The following PRC1 variants were observed in gnomAD, a reference collection of about 807,000 sequenced individuals.
PRC1 encodes protein regulator of cytokinesis 1, also known as anaphase spindle elongation 1 homolog.
A neutral mutation model predicts 91.2 loss-of-function variants in PRC1; 54 were observed. That is an observed-to-expected ratio of 0.59 (90% CI 0.48 to 0.74). The LOEUF is 0.74. PRC1 is among the 30% of genes least tolerant of loss of function. The pLI is 0.00. For synonymous variants in PRC1, 275 were observed against 263.6 expected, an observed-to-expected ratio of 1.04 and a Z score of -0.42; for missense variants, 727 against 746.2, an observed-to-expected ratio of 0.97 and a Z score of 0.30.
At chr15:90,993,211 C>CTTT (rs10679998) in intron 1 of PRC1, among the ~76,000 whole-genome samples, 8,865 of 122,986 alleles carry the variant, frequency 0.072, 1,070 homozygotes, top group African/African-American at 0.17. Flanking sequence ...TGTTAATGGA[C>CTTT]TTTTTTTTTT....
At chr15:90,972,320 C>T (rs1211550197) in intron 11 of PRC1, among the ~76,000 whole-genome samples, 2 of 150,154 alleles carry the variant, frequency 1.3e-5, no homozygotes, top group East Asian at 4.0e-4. Context: ...GGAGGCTGAG[C>T]TGCAGTGAGC....
At position 90,974,096 on chromosome 15, in the gene PRC1, A is replaced by ACTC; in HGVS notation, c.1461+37_1461+39dup. 6.4e-7 allele frequency: 1 copy of ACTC among 1,569,520 alleles called. No homozygotes were observed. Reference sequence around the variant, plus strand: ...GAGGTGGCTGGGACTACCCTCACCCACTCCCTTGAAATCAGTGTTTCCCTA... The same window carrying ACTC: ...GAGGTGGCTGGGACTACCCTCACCCACTCCTCCCTTGAAATCAGTGTTTCCCTA... On this transcript the variant is annotated intron_variant, in intron 11 of 14. Coordinates refer to ENST00000394249, the MANE Select transcript of PRC1 (RefSeq NM_003981.4). This position sits in a 1 kb window ranked among gnomAD's most constrained non-coding sequence, Gnocchi z 4.6.
rs1192107612 is a variant in PRC1 at position 90,969,548 on chromosome 15, C to G, written c.1648G>C (p.Glu550Gln). The G allele has an allele frequency of 6.2e-7, 1 of 1,613,826 alleles. No individual in the cohort carries two copies. Among genetic ancestry groups the G allele is most frequent in the Admixed American group, 1.7e-5 (1 of 60,002 alleles). Residue 550 changes from glutamate (E) to glutamine (Q), a missense_variant, in exon 13 of 15, where the codon GAG becomes CAG. Physicochemically the swap from Glu to Gln is conservative, Grantham distance 29 (BLOSUM62 2). Transcript: ENST00000394249. ...GRHGANKENL[E>Q]LNGSILSGGY... is the part of the protein sequence containing the mutation. ...CCACTCAGGATGCTGCCGTTGAGCT[C>G]CAGGTTCTCCTTGTTGGCTCCATGC...
At chr15:90,976,152 G>C (rs145942578) in intron 9 of PRC1, among the ~76,000 whole-genome samples, 1 of 152,008 alleles carries the variant, frequency 6.6e-6, no homozygotes, top group African/African-American at 2.4e-5. Flanking sequence ...GCAGTGGCGC[G>C]GTCTTGGCTC....
At position 90,984,274 on chromosome 15, in the gene PRC1, G is replaced by C. The variant is rs1006555305; in HGVS notation, c.145-134C>G. 3.2e-6 allele frequency: 4 copies of C among 1,257,676 alleles called. No homozygotes were observed. Among genetic ancestry groups the C allele is most frequent in the Non-Finnish European group, 4.4e-6 (4 of 913,352 alleles). 77.9% of individuals were successfully genotyped at this position (1,257,676 alleles called of 1,614,324 possible). A position where few individuals can be genotyped will look rare whatever the true frequency, so the allele number is the denominator to read the frequency against. ...GATGGAGTCTCGCTCTGTTGCCCAG[G>C]CTGGAGTGCAATGGCGTGCTTTCGG... On this transcript the variant is annotated intron_variant, in intron 2 of 14. Transcript: ENST00000394249. This position sits in a 1 kb window ranked among gnomAD's most constrained non-coding sequence, Gnocchi z 5.1.
At position 90,984,814 on chromosome 15, in the gene PRC1, G is replaced by A. The variant is rs570196720; in HGVS notation, c.23C>T (p.Ala8Val). Residue 8 changes from alanine (A) to valine (V), a missense_variant, in exon 2 of 15, where the codon GCG becomes GTG. Transcript: ENST00000394249. This position sits in a 1 kb window ranked among gnomAD's most constrained non-coding sequence, Gnocchi z 5.1. The part of the protein sequence containing the change: MRRSEVL[A>V]EESIVCLQKA... ...CTGCAGACATACTATGGACTCCTCC[G>A]CCAGCACCTCACTGAAAACCAAAAA... 1.1e-5 allele frequency: 17 copies of A among 1,613,982 alleles called. No individual in the cohort carries two copies. Among genetic ancestry groups the A allele is most frequent in the Non-Finnish European group, 1.4e-5 (16 of 1,179,970 alleles).
chr15:90,994,130 C>T (rs902543336), intron 1 of PRC1, among the ~76,000 whole-genome samples: 7 of 151,980 alleles, frequency 4.6e-5, no homozygotes, highest in African/African-American at 1.7e-4. Flanking sequence ...TACCCTGCCG[C>T]GTCCGGGCAC....
At chr15:90,982,076 C>T (rs1457736667) in intron 3 of PRC1, 95 bp from the exon 4 acceptor site, 1 of 1,134,638 alleles carries the variant, frequency 8.8e-7, no homozygotes, top group African/African-American at 1.6e-5. Flanking sequence ...GACAGACTTT[C>T]AGTTAAACTA....
At chr15:90,989,214 T>TAC (rs1171627088) in intron 1 of PRC1, among the ~76,000 whole-genome samples, 3 of 152,114 alleles carry the variant, frequency 2.0e-5, no homozygotes, top group African/African-American at 7.2e-5. Context: ...TGCAAGACGG[T>TAC]ACAGCCTCTT....
At chr15:90,981,379 C>G in intron 5 of PRC1, 120 bp downstream of exon 5, 35 of 1,163,416 alleles carry the variant, frequency 3.0e-5, no homozygotes, top group Non-Finnish European at 3.7e-5. Flanking sequence ...CTATCCTTAG[C>G]TTCCCTCATT....
At chr15:90,979,089 G>C (rs1450179680) in intron 8 of PRC1, 69 bp downstream of exon 8, 1 of 1,523,162 alleles carries the variant, frequency 6.6e-7, no homozygotes, top group African/African-American at 1.4e-5. Context: ...AAAGAACAAA[G>C]CTAACTGGAT....
At chr15:90,969,281 C>G (rs549447008) in intron 13 of PRC1, among the ~76,000 whole-genome samples, 161 bp from the exon 14 acceptor site, 126 of 152,186 alleles carry the variant, frequency 8.3e-4, no homozygotes, top group Non-Finnish European at 1.5e-3. Context: ...CCTACACAAC[C>G]CCCCCTTAAA....
intron 11 of PRC1, chr15:90,972,867 G>A (rs889728385): frequency 6.6e-6 from 1 of 152,210 alleles, no homozygotes; most frequent in African/African-American, 2.4e-5. Flanking sequence ...CAGGGAAAAT[G>A]GCATTACAGG....
chr15:90,992,324 G>T (rs186015730), intron 1 of PRC1, among the ~76,000 whole-genome samples: 1 of 152,326 alleles, frequency 6.6e-6, no homozygotes, highest in East Asian at 1.9e-4. Flanking sequence ...GGGCAGGGAT[G>T]TCACTTTTGC....
rs139840373 is a variant in PRC1 at position 90,974,676 on chromosome 15, G to A, written c.1259C>T (p.Ala420Val). 2 of 1,614,056 alleles carry A rather than the reference G, an allele frequency of 1.2e-6. No individual in the cohort carries two copies. Among genetic ancestry groups the A allele is most frequent in the Non-Finnish European group, 1.7e-6 (2 of 1,180,048 alleles). The stretch of plus-strand genomic sequence containing the variant: ...GAATTTCTGCCCATTCACCATAAAT[G>A]CCTTTGAATGTTCCTGTTCCCACAA... ...IELWEQEHSK[A>V]FMVNGQKFME... is the part of the protein sequence containing the mutation. The change falls in exon 10 of 15, where the codon GCA (alanine) becomes GTA (valine). Residue 420 changes from alanine to valine, a missense_variant. Physicochemically the swap from Ala to Val is moderately conservative, Grantham distance 64. Transcript: ENST00000394249. This position sits in a 1 kb window ranked among gnomAD's most constrained non-coding sequence, Gnocchi z 4.6.
rs965182496 is a variant in PRC1, at chr15:90,974,075, T to G, written c.1461+61A>C. On this transcript the variant is annotated intron_variant, in intron 11 of 14. Coordinates refer to ENST00000394249, the MANE Select transcript of PRC1 (RefSeq NM_003981.4). The surrounding 1 kb of genome is among the most constrained non-coding windows in gnomAD (Gnocchi z 4.6). ...GAGGGGCTGGCCCCCTTCAAAGAGG[T>G]GGCTGGGACTACCCTCACCCACTCC... 97 of 1,420,332 alleles carry G rather than the reference T, an allele frequency of 6.8e-5. No homozygotes were observed. The highest frequency in any genetic ancestry group is 8.3e-5 in the Non-Finnish European group (84 of 1,007,046). The allele number at this position is 1,420,332 out of a possible 1,614,324, so 88.0% of individuals were successfully genotyped here. A position where few individuals can be genotyped will look rare whatever the true frequency, so the allele number is the denominator to read the frequency against.
chr15:90,979,872 AC>A (rs2039042653), intron 7 of PRC1, among the ~76,000 whole-genome samples: 1 of 152,240 alleles, frequency 6.6e-6, no homozygotes, highest in South Asian at 2.1e-4. Flanking sequence ...AAAAGTAAGC[AC>A]CTGATAAAAA....
intron 11 of PRC1, among the ~76,000 whole-genome samples, chr15:90,972,679 T>C (rs1596286854): frequency 6.6e-6 from 1 of 151,292 alleles, no homozygotes; most frequent in African/African-American, 2.4e-5. Context: ...GCAGAGGCTG[T>C]AGTGAGCTGA....
intron 12 of PRC1, among the ~76,000 whole-genome samples, chr15:90,970,131 T>C (rs1008965101): frequency 6.6e-6 from 1 of 152,134 alleles, no homozygotes; most frequent in Non-Finnish European, 1.5e-5. Context: ...GGCTTGGAAT[T>C]GAGTCTACAG....
Sources: allele counts gnomAD v4.1 joint callset (sites outside exome capture counted in the v4.1 genomes callset), GRCh38; gene constraint gnomAD v4.1.1; non-coding constraint Gnocchi (gnomAD v3.1); transcripts MANE v1.5; gene names NCBI Gene and HGNC (gene_info 2026-07-23, HGNC 2026-07-21).